Variants in FBXL18 observed in about 807,000 individuals in gnomAD.
FBXL18 encodes the protein F-box and leucine rich repeat protein 18.
In FBXL18, 36 loss-of-function variants were observed where a neutral mutation model predicts 46.0. That is an observed-to-expected ratio of 0.78 (90% CI 0.60 to 1.03). The LOEUF is 1.03. Ranked by LOEUF, FBXL18 falls within the 50% of genes least tolerant of loss-of-function variation. The probability of loss-of-function intolerance (pLI) is 0.00; values close to 1 mark genes in which losing one functional copy is unlikely to be tolerated. For synonymous variants in FBXL18, 557 were observed against 465.3 expected (o/e 1.20, Z -2.54); for missense variants, 977 against 1,004.1 (o/e 0.97, Z 0.36).
chr7:5,500,744 A>AGTTGCGGATGGCGGGCTC lies in FBXL18; in HGVS notation c.1507_1524dup (p.Glu503_Asn508dup), dbSNP rs755215759. The AGTTGCGGATGGCGGGCTC allele has an allele frequency of 6.2e-7, 1 of 1,612,370 alleles. No homozygotes were observed. The highest frequency in any genetic ancestry group is 1.6e-4 in the Middle Eastern group (1 of 6,084). On this transcript the variant is annotated inframe_insertion, in exon 3 of 5. Coordinates refer to ENST00000382368, the MANE Select transcript of FBXL18 (RefSeq NM_024963.6). ...TGTGCGCGGCTGCAGGGTGGGAGCG[A>AGTTGCGGATGGCGGGCTC]GTTGCGGATGGCGGGCTCGTTGCGG...
At chr7:5,499,731 CAAAAAAAAA>C (rs58187609) in intron 3 of FBXL18, among the ~76,000 whole-genome samples, 2 of 115,816 alleles carry the variant, frequency 1.7e-5, no homozygotes, top group Non-Finnish European at 3.5e-5. Context: ...GACTCTGTCT[CAAAAAAAAA>C]AAAAGAAAAA....
At chr7:5,494,671 G>A (rs1358172237) in intron 3 of FBXL18, among the ~76,000 whole-genome samples, 1 of 152,112 alleles carries the variant, frequency 6.6e-6, no homozygotes, top group African/African-American at 2.4e-5. Flanking sequence ...CGGTGCAGGC[G>A]CCGCACCTGC....
chr7:5,473,801 C>T (rs866692555), downstream of FBXL18, among the ~76,000 whole-genome samples: 8 of 151,194 alleles, frequency 5.3e-5, no homozygotes, highest in South Asian at 2.1e-4. Flanking sequence ...GCAGATTTCA[C>T]TCTTTTTTTA....
chr7:5,504,473 T>C (rs1306958975), intron 2 of FBXL18, among the ~76,000 whole-genome samples: 2 of 145,536 alleles, frequency 1.4e-5, no homozygotes, highest in Non-Finnish European at 3.0e-5. Flanking sequence ...CCCAGCTAAT[T>C]TTTTGTATTT....
chr7:5,456,406 G>A (rs773470845), intron 4 of FBXL18, among the ~76,000 whole-genome samples: 7 of 152,224 alleles, frequency 4.6e-5, no homozygotes, highest in Non-Finnish European at 8.8e-5. Flanking sequence ...TCATCACGAT[G>A]TGCTCGCACA....
downstream of FBXL18, among the ~76,000 whole-genome samples, chr7:5,473,976 T>C (rs1783467757): frequency 1.3e-5 from 2 of 151,826 alleles, no homozygotes; most frequent in African/African-American, 4.8e-5. Flanking sequence ...TTTGTACTTT[T>C]TGTAGAGATG....
intron 4 of FBXL18, among the ~76,000 whole-genome samples, chr7:5,466,349 G>A (rs1010953591): frequency 1.3e-5 from 2 of 152,150 alleles, no homozygotes; most frequent in African/African-American, 4.8e-5. Flanking sequence ...TGCAGGCCGT[G>A]CTCCTCCTGG....
In FBXL18 at chr7:5,501,614, C is replaced by T; in HGVS notation, c.655G>A (p.Val219Met). Residue 219 changes from valine (V) to methionine (M), a missense_variant, in exon 3 of 5, where the codon GTG (valine) becomes ATG (methionine). Val to Met is a conservative substitution (Grantham distance 21). Transcript: ENST00000382368. ...TAGTGCGGCACGTTGCTCTGGCCCACCATAAGCTGGCCCGAGAGGATGGCG... is the reference window on the plus strand; with the variant it reads ...TAGTGCGGCACGTTGCTCTGGCCCATCATAAGCTGGCCCGAGAGGATGGCG... ...EGAILSGQLM[V>M]GQSNVPHYQN... 1 of 1,613,796 alleles carries T rather than the reference C, an allele frequency of 6.2e-7. No homozygotes were observed. Among genetic ancestry groups the T allele is most frequent in the Non-Finnish European group, 8.5e-7 (1 of 1,179,968 alleles).
chr7:5,485,203 TC>T (rs1319241123), intron 4 of FBXL18, among the ~76,000 whole-genome samples: 3 of 152,158 alleles, frequency 2.0e-5, no homozygotes, highest in Non-Finnish European at 4.4e-5. Flanking sequence ...GCTTTGGATG[TC>T]CCTGGGTGAT....
intron 4 of FBXL18, chr7:5,489,211 C>T (rs1161097511): frequency 3.9e-6 from 2 of 516,218 alleles, no homozygotes; most frequent in Non-Finnish European, 7.7e-6. Flanking sequence ...TTTACTGACA[C>T]AAGAGGACTC....
At chr7:5,459,123 A>C (rs1783210404) in intron 4 of FBXL18, among the ~76,000 whole-genome samples, 1 of 152,224 alleles carries the variant, frequency 6.6e-6, no homozygotes. Context: ...ATTGCACTCC[A>C]GTCTGGATGA....
chr7:5,473,920 A>T (rs538168295), downstream of FBXL18, among the ~76,000 whole-genome samples: 1 of 152,042 alleles, frequency 6.6e-6, no homozygotes, highest in African/African-American at 2.4e-5. Flanking sequence ...TCAGCCTCCT[A>T]AGTAGCTGGG....
In FBXL18 at chr7:5,476,662, T is replaced by C. The variant is rs12535397; in HGVS notation, c.*5113A>G. On this transcript the variant is annotated 3_prime_UTR_variant, in exon 5 of 5. Coordinates refer to ENST00000382368, the MANE Select transcript of FBXL18 (RefSeq NM_024963.6). ...TTTTTTATTTTATGTAGCGATACAG[T>C]CTCACTATGTTGCCCAGGCTGGTCT... The C allele has an allele frequency of 0.41, 62,219 of 151,670 alleles. 13,159 individuals are homozygous for C. The highest frequency in any genetic ancestry group is 0.51 in the South Asian group (2,463 of 4,802). The allele number at this position is 151,670 out of a possible 1,614,324, so 9.4% of individuals were successfully genotyped here.
intron 4 of FBXL18, among the ~76,000 whole-genome samples, chr7:5,488,231 G>A (rs114974035): frequency 2.7e-4 from 41 of 152,362 alleles, no homozygotes; most frequent in African/African-American, 9.4e-4. Context: ...TGCAAGGGGC[G>A]GCATGGAGCC....
chr7:5,489,100 C>T (rs1238454811), intron 4 of FBXL18: 2 of 349,912 alleles, frequency 5.7e-6, no homozygotes, highest in Admixed American at 3.9e-5. Context: ...AAGTCGAGGA[C>T]ACAGTGACCG....
intron 1 of FBXL18, among the ~76,000 whole-genome samples, chr7:5,508,797 A>AC (rs1784457277): frequency 6.6e-6 from 1 of 152,034 alleles, no homozygotes; most frequent in Admixed American, 6.6e-5. Context: ...AATGAACTGT[A>AC]CCCCTCCCAA....
intron 1 of FBXL18, among the ~76,000 whole-genome samples, chr7:5,510,590 G>A (rs1468630711): frequency 6.6e-6 from 1 of 151,274 alleles, no homozygotes; most frequent in Non-Finnish European, 1.5e-5. Context: ...AGAGGCAGAA[G>A]TGGGAGGATC....
intron 4 of FBXL18, among the ~76,000 whole-genome samples, chr7:5,458,152 T>A (rs1244278239): frequency 6.6e-6 from 1 of 151,914 alleles, no homozygotes; most frequent in Non-Finnish European, 1.5e-5. Context: ...TGGCTGAAGT[T>A]TGTCTCAGAG....
intron 2 of FBXL18, among the ~76,000 whole-genome samples, chr7:5,502,559 G>A (rs1333854671): frequency 6.6e-6 from 1 of 151,576 alleles, no homozygotes; most frequent in East Asian, 1.9e-4. Flanking sequence ...GGCCGGGCCC[G>A]GTGGCTCACG....
Sources: gnomAD v4.1 joint callset for allele counts (sites outside exome capture counted in the v4.1 genomes callset) on GRCh38, gnomAD v4.1.1 for gene constraint, MANE v1.5 for transcripts, NCBI Gene and HGNC (gene_info 2026-07-23, HGNC 2026-07-21) for gene names.